Variants in DENND1A observed in about 807,000 individuals in gnomAD.
DENND1A encodes DENN domain containing 1A.
DENND1A carries 51 observed loss-of-function variants against 113.7 expected under a neutral mutation model. The ratio of observed to expected loss-of-function variants is 0.45; its 90% CI spans 0.36 to 0.57. The LOEUF (loss-of-function observed/expected upper bound fraction) is 0.57. Among genes scored for constraint, DENND1A ranks in the 20% least tolerant of loss-of-function variants. The probability of loss-of-function intolerance (pLI) is 0.00; values close to 1 mark genes in which losing one functional copy is unlikely to be tolerated. For synonymous variants in DENND1A, 565 were observed against 570.8 expected, an observed-to-expected ratio of 0.99 and a Z score of 0.14; for missense variants, 1,258 against 1,395.9, an observed-to-expected ratio of 0.90 and a Z score of 1.57.
intron 5 of DENND1A, among the ~76,000 whole-genome samples, chr9:123,723,722 T>G (rs1019109614): frequency 5.3e-5 from 8 of 152,184 alleles, no homozygotes; most frequent in Admixed American, 4.6e-4. Context: ...TTGTGAGGCC[T>G]CCCCAGCCAC....
At chr9:123,928,984 G>A (rs1444301093) in intron 1 of DENND1A, 1 of 843,376 alleles carries the variant, frequency 1.2e-6, no homozygotes, top group Non-Finnish European at 1.4e-6. Flanking sequence ...AGTAATTAGA[G>A]ATAAAACATC....
chr9:123,556,214 C>T (rs1398692541), intron 13 of DENND1A, among the ~76,000 whole-genome samples: 1 of 152,154 alleles, frequency 6.6e-6, no homozygotes, highest in Non-Finnish European at 1.5e-5. Flanking sequence ...CACACAGTGA[C>T]GATGGCACTG....
intron 9 of DENND1A, among the ~76,000 whole-genome samples, chr9:123,633,256 C>T (rs1221945136): frequency 6.6e-6 from 1 of 152,110 alleles, no homozygotes; most frequent in Non-Finnish European, 1.5e-5. Flanking sequence ...ATGTTTGTTT[C>T]CTGACTGTAA....
intron 13 of DENND1A, among the ~76,000 whole-genome samples, chr9:123,498,719 C>G (rs1002746448): frequency 2.0e-5 from 3 of 148,292 alleles, no homozygotes; most frequent in African/African-American, 7.7e-5. Context: ...ACCAGTCTCT[C>G]TCTCTCTTTT....
At chr9:123,902,662 G>A (rs545468489) in intron 1 of DENND1A, among the ~76,000 whole-genome samples, 26 of 151,742 alleles carry the variant, frequency 1.7e-4, no homozygotes, top group South Asian at 1.7e-3. Flanking sequence ...CTTGGAAGAC[G>A]AATATATTTC....
At chr9:123,449,521 G>A (rs1325195288) in intron 18 of DENND1A, among the ~76,000 whole-genome samples, 1 of 144,502 alleles carries the variant, frequency 6.9e-6, no homozygotes, top group East Asian at 2.0e-4. Flanking sequence ...GCAACACAGT[G>A]AGACTCCGTC....
At chr9:123,690,625 C>A (rs1257365627) in intron 5 of DENND1A, among the ~76,000 whole-genome samples, 1 of 152,178 alleles carries the variant, frequency 6.6e-6, no homozygotes, top group Non-Finnish European at 1.5e-5. Flanking sequence ...AAACTTTCTA[C>A]AGTCTACATG....
At chr9:123,638,305 T>G (rs2061827427) in intron 9 of DENND1A, among the ~76,000 whole-genome samples, 1 of 152,142 alleles carries the variant, frequency 6.6e-6, no homozygotes, top group South Asian at 2.1e-4. Flanking sequence ...CTTTCTTTCC[T>G]CTTTAAGATG....
At position 123,458,436 on chromosome 9, in the gene DENND1A, T is replaced by C. The variant is rs2048298265; in HGVS notation, c.994-539A>G. ...AAGTAGCTATTATCAAGAAATTCAT[T>C]TTCTTTTATGGATGAGGAAGCTGTT... is the stretch of plus-strand genomic sequence containing the variant. On this transcript the variant is annotated intron_variant, in intron 13 of 23. Transcript: ENST00000394215. Among the ~76,000 whole-genome samples the C allele has an allele frequency of 3.3e-5, 5 of 152,128 alleles. No individual in the cohort carries two copies. In the South Asian group the frequency reaches 1.0e-3, roughly 31 times the overall value.
rs187741341 is a variant in DENND1A at position 123,811,689 on chromosome 9, G to A, written c.89-19059C>T. On this transcript the variant is annotated intron_variant, in intron 2 of 23. Transcript: ENST00000394215. ...CAGGAGAACGGCGTGAACCTGGAAG[G>A]CGGAGCTTGCAGTGAGCGGAGATCG... Among the ~76,000 whole-genome samples, 153 of 152,334 alleles carry A rather than the reference G, an allele frequency of 1.0e-3. 1 individual carries two copies. Among genetic ancestry groups the A allele is most frequent in the Non-Finnish European group, 1.7e-3 (115 of 68,022 alleles).
intron 2 of DENND1A, among the ~76,000 whole-genome samples, chr9:123,833,449 G>C (rs916786566): frequency 6.6e-6 from 1 of 152,034 alleles, no homozygotes; most frequent in Admixed American, 6.6e-5. Flanking sequence ...AAATTCCTTA[G>C]GGGGGAGAAA....
intron 2 of DENND1A, among the ~76,000 whole-genome samples, chr9:123,833,713 C>A (rs1199378943): frequency 6.6e-6 from 1 of 151,688 alleles, no homozygotes; most frequent in African/African-American, 2.4e-5. Context: ...AGATATTCAC[C>A]TTTCAGACTT....
chr9:123,447,527 A>G (rs1403931094), intron 18 of DENND1A, among the ~76,000 whole-genome samples: 1 of 152,052 alleles, frequency 6.6e-6, no homozygotes, highest in East Asian at 1.9e-4. Context: ...TCGGCCCCAC[A>G]TTTTCTATTT....
intron 2 of DENND1A, among the ~76,000 whole-genome samples, chr9:123,831,164 T>C (rs899559572): frequency 1.3e-5 from 2 of 152,062 alleles, no homozygotes; most frequent in African/African-American, 4.8e-5. Context: ...TCCACAAATA[T>C]TTAGAGTATG....
chr9:123,809,276 A>G (rs1379167745), intron 2 of DENND1A, among the ~76,000 whole-genome samples: 2 of 152,216 alleles, frequency 1.3e-5, no homozygotes, highest in Non-Finnish European at 1.5e-5. Context: ...CTTTCAGAAA[A>G]TCACAATAGC....
chr9:123,454,671 G>A (rs1424738594), intron 16 of DENND1A, 68 bp downstream of exon 16: 1 of 1,477,788 alleles, frequency 6.8e-7, no homozygotes, highest in Non-Finnish European at 9.3e-7. Flanking sequence ...GGGAAGCACA[G>A]GGAAGCGGAA....
At chr9:123,630,786 C>T (rs1361772749) in intron 9 of DENND1A, among the ~76,000 whole-genome samples, 2 of 152,174 alleles carry the variant, frequency 1.3e-5, no homozygotes, top group Non-Finnish European at 2.9e-5. Flanking sequence ...CACACAAGCA[C>T]ATATATTCCC....
At chr9:123,852,591 G>T (rs1407087850) in intron 2 of DENND1A, among the ~76,000 whole-genome samples, 2 of 152,162 alleles carry the variant, frequency 1.3e-5, no homozygotes, top group Non-Finnish European at 2.9e-5. Flanking sequence ...GTCTGTCATG[G>T]ACTCAGGCCA....
intron 21 of DENND1A, among the ~76,000 whole-genome samples, chr9:123,388,453 C>T (rs1422943417): frequency 1.3e-5 from 2 of 152,146 alleles, no homozygotes; most frequent in African/African-American, 4.8e-5. Context: ...ATGAGCATAT[C>T]TATTCCAATA....
Sources: gnomAD v4.1 joint callset for allele counts (sites outside exome capture counted in the v4.1 genomes callset) on GRCh38, gnomAD v4.1.1 for gene constraint, MANE v1.5 for transcripts, NCBI Gene and HGNC (gene_info 2026-07-23, HGNC 2026-07-21) for gene names.